Variants in RACK1 observed in about 807,000 individuals in gnomAD.
RACK1 encodes small ribosomal subunit protein RACK1.
In RACK1, 3 loss-of-function variants were observed where a neutral mutation model predicts 42.2. That is an observed-to-expected ratio of 0.07 (90% CI 0.03 to 0.18). RACK1 has a LOEUF of 0.18. RACK1 is among the 10% of genes least tolerant of loss of function. The pLI is 1.00. For synonymous variants in RACK1, 181 were observed against 154.8 expected, an observed-to-expected ratio of 1.17 and a Z score of -1.25; for missense variants, 146 against 403.2, an observed-to-expected ratio of 0.36 and a Z score of 5.46.
At chr5:181,237,859 T>C (rs1353678597) in intron 6 of RACK1, 140 bp from the exon 7 acceptor site, 1 of 660,842 alleles carries the variant, frequency 1.5e-6, no homozygotes, top group Non-Finnish European at 2.7e-6. Flanking sequence ...GCATTTTCAG[T>C]TGCCACTAGT....
At position 181,238,169 on chromosome 5, in the gene RACK1, A is replaced by G. The variant is rs1759209616; in HGVS notation, c.707T>C (p.Ile236Thr). 3 of 1,613,964 alleles carry G rather than the reference A, an allele frequency of 1.9e-6. No homozygotes were observed. Among genetic ancestry groups the G allele is most frequent in the Non-Finnish European group, 2.5e-6 (3 of 1,179,980 alleles). Residue 236 changes from isoleucine (I) to threonine (T), a missense_variant, in exon 6 of 8, where the codon ATC becomes ACC. Coordinates refer to ENST00000512805, the MANE Select transcript of RACK1 (RefSeq NM_006098.5). ...GTTAGGGCTGAAGCACAGGGCGTTG[A>G]TGATGTCCCCACCATCTAGCGTGTA... ...HLYTLDGGDI[I>T]NALCFSPNRY...
At chr5:181,242,584 G>C (rs1179657661) in intron 1 of RACK1, 3 of 558,928 alleles carry the variant, frequency 5.4e-6, no homozygotes, top group South Asian at 3.1e-5. Context: ...TTGAGATGGA[G>C]TCTCGCTCTG....
Position 181,241,518 on chromosome 5 carries a change from G to A in RACK1, c.403C>T (p.Leu135=). 2 of 1,613,644 alleles carry A rather than the reference G, an allele frequency of 1.2e-6. No individual in the cohort carries two copies. The highest frequency in any genetic ancestry group is 1.7e-6 in the Non-Finnish European group (2 of 1,179,902). Reference sequence around the variant, plus strand: ...TGGACAGTGTATTTGCACACACCCAGGGTATTCCATAGCTTGATGGTTTTA... The same window carrying A: ...TGGACAGTGTATTTGCACACACCCAAGGTATTCCATAGCTTGATGGTTTTA... ...RDKTIKLWNT[L]GVCKYTVQDE... is the part of the protein sequence containing the mutation. The change falls in exon 3 of 8, where the codon CTG becomes TTG. Residue 135 remains leucine, a synonymous_variant. Transcript: ENST00000512805.
rs1390717262 is a variant in RACK1 at position 181,241,633 on chromosome 5, G to A, written c.288C>T (p.Thr96=). 2 of 1,614,056 alleles carry A rather than the reference G, an allele frequency of 1.2e-6. No individual in the cohort carries two copies. Among genetic ancestry groups the A allele is most frequent in the Non-Finnish European group, 1.7e-6 (2 of 1,179,976 alleles). ...TATGGCCCACAAATCGCCTCGTGGT[G>A]GTGCCCCTGAGAGGGAGGAGTTTGT... ...TLRLWDLTTG[T]TTRRFVGHTK... The change falls in exon 3 of 8, where the codon ACC becomes ACT. Residue 96 remains threonine (T), a synonymous_variant. Coordinates refer to ENST00000512805, the MANE Select transcript of RACK1 (RefSeq NM_006098.5).
intron 2 of RACK1, chr5:181,241,928 G>T: frequency 2.6e-6 from 2 of 767,402 alleles, no homozygotes; most frequent in Non-Finnish European, 4.7e-6. Flanking sequence ...GAGCTTTCAA[G>T]GTAAAACATG....
chr5:181,243,013 G>A (rs1759410054), intron 1 of RACK1: 7 of 348,048 alleles, frequency 2.0e-5, no homozygotes, highest in South Asian at 1.5e-4. Flanking sequence ...TACCTCTGAG[G>A]GCCGACAGAA....
At chr5:181,239,436 C>G in intron 4 of RACK1, 51 bp downstream of exon 4, 1 of 1,334,154 alleles carries the variant, frequency 7.5e-7, no homozygotes, top group Non-Finnish European at 1.1e-6. Context: ...TGTATGACCA[C>G]CTGGGAGCAC....
At chr5:181,242,131 A>G (rs1200474021) in intron 2 of RACK1, 43 bp downstream of exon 2, 1 of 1,565,808 alleles carries the variant, frequency 6.4e-7, no homozygotes, top group Non-Finnish European at 8.7e-7. Flanking sequence ...ACTTCTGCCC[A>G]GATTCTTCCC....
intron 7 of RACK1, 156 bp downstream of exon 7, chr5:181,237,453 G>A (rs1224068818): frequency 1.5e-6 from 1 of 670,014 alleles, no homozygotes; most frequent in African/African-American, 1.8e-5. Flanking sequence ...CACATTCACT[G>A]GCATGGCAAA....
At chr5:181,243,204 C>T (rs1309457115) in intron 1 of RACK1, 9 of 1,175,650 alleles carry the variant, frequency 7.7e-6, no homozygotes, top group Non-Finnish European at 1.0e-5. Context: ...CAGTCAGGAA[C>T]ACAGGGATAG....
intron 7 of RACK1, 45 bp from the exon 8 acceptor site, chr5:181,237,087 C>T: frequency 6.2e-7 from 1 of 1,610,734 alleles, no homozygotes; most frequent in Non-Finnish European, 8.5e-7. Context: ...GGCATAAATT[C>T]TGCAGTCTCA....
At chr5:181,242,745 G>C (rs1208939026) in intron 1 of RACK1, 2 of 351,826 alleles carry the variant, frequency 5.7e-6, no homozygotes, top group Non-Finnish European at 1.1e-5. Flanking sequence ...TTTTTAACTA[G>C]AGATGCGGTT....
At chr5:181,237,322 TGAG>T (rs1349185222) in intron 7 of RACK1, 1 of 717,034 alleles carries the variant, frequency 1.4e-6, no homozygotes, top group Admixed American at 2.0e-5. Context: ...ATGTATTCCT[TGAG>T]GAAGAAACAG....
rs961925115 is a variant in RACK1, at chr5:181,236,941, G to T, written c.*36C>A. ...AAAAACCTAAAAGTCAGAAAAGCCA[G>T]TTTTTTTTTTATTTGTAAAGCTCTG... On this transcript the variant is annotated 3_prime_UTR_variant, in exon 8 of 8. Coordinates refer to ENST00000512805, the MANE Select transcript of RACK1 (RefSeq NM_006098.5). 2.4e-5 allele frequency: 33 copies of T among 1,371,470 alleles called. No homozygotes were observed. The highest frequency in any genetic ancestry group is 1.6e-4 in the African/African-American group (11 of 68,922). 85.0% of individuals were successfully genotyped at this position (1,371,470 alleles called of 1,614,324 possible).
intron 7 of RACK1, chr5:181,237,257 G>T: frequency 1.1e-6 from 1 of 892,626 alleles, no homozygotes; most frequent in Non-Finnish European, 1.8e-6. Flanking sequence ...CCACAACGCC[G>T]GGTAGACTGT....
chr5:181,238,053 G>A, intron 6 of RACK1, 46 bp downstream of exon 6: 3 of 1,603,870 alleles, frequency 1.9e-6, no homozygotes, highest in Non-Finnish European at 2.6e-6. Context: ...CATTGCCAGG[G>A]CTCAGAGTGC....
chr5:181,238,538 C>G (rs1229217011), intron 5 of RACK1: 3 of 365,466 alleles, frequency 8.2e-6, no homozygotes, highest in Non-Finnish European at 1.6e-5. Flanking sequence ...GGTGCGGTGG[C>G]TCATGCCTGT....
At chr5:181,237,149 G>A in intron 7 of RACK1, 107 bp from the exon 8 acceptor site, 1 of 1,562,690 alleles carries the variant, frequency 6.4e-7, no homozygotes, top group Non-Finnish European at 8.7e-7. Flanking sequence ...TTGCTCCATT[G>A]TCTAGGCTGG....
At chr5:181,241,041 T>C (rs1759324316) in intron 3 of RACK1, 1 of 156,490 alleles carries the variant, frequency 6.4e-6, no homozygotes, top group Non-Finnish European at 1.4e-5. Flanking sequence ...GGAGAACTGC[T>C]TGAACCCAGG....
Sources: allele counts gnomAD v4.1 joint callset, GRCh38; gene constraint gnomAD v4.1.1; transcripts MANE v1.5; gene names NCBI Gene and HGNC (gene_info 2026-07-23, HGNC 2026-07-21).